TRPM3: variants seen among roughly 807,000 people sequenced by gnomAD.
TRPM3 encodes long transient receptor potential channel 3.
TRPM3 carries 77 observed loss-of-function variants against 181.2 expected under a neutral mutation model. The observed-to-expected ratio is 0.42, with a 90% CI of 0.35 to 0.51. The LOEUF (loss-of-function observed/expected upper bound fraction) is 0.51. Ranked by LOEUF, TRPM3 falls within the 20% of genes least tolerant of loss-of-function variation. TRPM3 has a pLI of 0.01. For missense variants in TRPM3, 1,759 were observed against 2,196.7 expected (o/e 0.80, Z 3.98); for synonymous variants, 745 against 796.4 (o/e 0.94, Z 1.09).
intron 1 of TRPM3, among the ~76,000 whole-genome samples, chr9:71,359,357 C>T (rs1365287476): frequency 6.6e-6 from 1 of 152,224 alleles, no homozygotes. Flanking sequence ...CCAAGTATGG[C>T]TGCATCCATG....
intron 1 of TRPM3, among the ~76,000 whole-genome samples, chr9:71,283,909 G>A (rs1380487706): frequency 6.6e-6 from 1 of 152,172 alleles, no homozygotes; most frequent in Non-Finnish European, 1.5e-5. Flanking sequence ...TTGTGTCTAT[G>A]TTCCTCCTTT....
At chr9:71,123,934 G>T (rs2073879565), upstream of TRPM3, among the ~76,000 whole-genome samples, 1 of 152,142 alleles carries the variant, frequency 6.6e-6, no homozygotes, top group Admixed American at 6.5e-5. Flanking sequence ...GCATCATTCT[G>T]AAAACACATG....
At chr9:70,888,124 T>G (rs746390526) in intron 1 of TRPM3, among the ~76,000 whole-genome samples, 2 of 152,138 alleles carry the variant, frequency 1.3e-5, no homozygotes, top group Non-Finnish European at 2.9e-5. Flanking sequence ...TGTAGCATGC[T>G]CCATAGAACC....
chr9:70,996,119 T>C (rs1200024083), intron 1 of TRPM3, among the ~76,000 whole-genome samples: 1 of 152,210 alleles, frequency 6.6e-6, no homozygotes, highest in African/African-American at 2.4e-5. Flanking sequence ...GTTGAAATAA[T>C]AAAAGGTCTT....
chr9:70,974,949 C>A (rs936758040), intron 1 of TRPM3, among the ~76,000 whole-genome samples: 2 of 143,904 alleles, frequency 1.4e-5, no homozygotes, highest in Admixed American at 7.4e-5. Flanking sequence ...CTCACTGCAA[C>A]CTCCAACTCC....
chr9:71,297,289 A>G (rs576388167), intron 1 of TRPM3, among the ~76,000 whole-genome samples: 9 of 152,246 alleles, frequency 5.9e-5, no homozygotes, highest in African/African-American at 1.7e-4. Context: ...AGAACTCACG[A>G]TATGCTGGGC....
At position 70,914,488 on chromosome 9, in the gene TRPM3, G is replaced by A. The variant is rs149186709; in HGVS notation, c.178-49977C>T. ...TGAGAGATCATATGATGTGCCAAAA[G>A]AAAATCCCTGCAGTGATGGACGCTG... On this transcript the variant is annotated intron_variant, in intron 1 of 25. Coordinates refer to ENST00000677713, the MANE Select transcript of TRPM3 (RefSeq NM_001366145.2). 1.1e-3 allele frequency among the ~76,000 whole-genome samples: 160 copies of A among 152,350 alleles called. 1 individual carries two copies. The highest frequency in any genetic ancestry group is 3.0e-3 in the African/African-American group (126 of 41,588).
At chr9:70,678,066 G>A (rs1432838822) in intron 9 of TRPM3, among the ~76,000 whole-genome samples, 3 of 152,018 alleles carry the variant, frequency 2.0e-5, no homozygotes, top group Non-Finnish European at 4.4e-5. Context: ...ATCCTGGTGT[G>A]TGTGGCAGGG....
chr9:70,591,539 T>C (rs2058108449), intron 21 of TRPM3, among the ~76,000 whole-genome samples: 1 of 152,162 alleles, frequency 6.6e-6, no homozygotes, highest in African/African-American at 2.4e-5. Flanking sequence ...GGCCTCTGTG[T>C]GAATCAGGTG....
intron 1 of TRPM3, among the ~76,000 whole-genome samples, chr9:71,147,749 C>A (rs2134598502): frequency 6.6e-6 from 1 of 152,246 alleles, no homozygotes; most frequent in South Asian, 2.1e-4. Context: ...CCTGCTGATT[C>A]AAGTTCTCAG....
chr9:71,106,372 T>C (rs1289268398), intron 1 of TRPM3, among the ~76,000 whole-genome samples: 1 of 152,090 alleles, frequency 6.6e-6, no homozygotes, highest in African/African-American at 2.4e-5. Flanking sequence ...CTTGGTGCCC[T>C]CCCCATGGTA....
At chr9:70,784,847 G>T (rs117782897) in intron 6 of TRPM3, among the ~76,000 whole-genome samples, 3,345 of 152,192 alleles carry the variant, frequency 0.022, 47 homozygotes, top group Non-Finnish European at 0.034. Context: ...TTTGACCATA[G>T]ATGATCAGAC....
intron 1 of TRPM3, among the ~76,000 whole-genome samples, chr9:71,196,722 T>C (rs1175984376): frequency 6.6e-6 from 1 of 152,000 alleles, no homozygotes; most frequent in Non-Finnish European, 1.5e-5. Flanking sequence ...CTTTAAATGT[T>C]ATTTAGCAGT....
chr9:71,353,758 T>C (rs2091771041), intron 1 of TRPM3, among the ~76,000 whole-genome samples: 1 of 152,210 alleles, frequency 6.6e-6, no homozygotes, highest in African/African-American at 2.4e-5. Context: ...GGCAGTTTTA[T>C]AAAATAAAGC....
chr9:71,294,782 C>T (rs186377188), intron 1 of TRPM3, among the ~76,000 whole-genome samples: 8 of 152,192 alleles, frequency 5.3e-5, no homozygotes, highest in African/African-American at 1.9e-4. Context: ...CTCACACAAT[C>T]GAATTCTGTA....
chr9:70,554,535 C>A (rs894324643), intron 22 of TRPM3, among the ~76,000 whole-genome samples: 7 of 152,122 alleles, frequency 4.6e-5, no homozygotes, highest in Admixed American at 4.6e-4. Context: ...CCCTGGCTGC[C>A]CTGGGGATCA....
chr9:71,097,159 C>T (rs1371283259), intron 1 of TRPM3, among the ~76,000 whole-genome samples: 1 of 151,800 alleles, frequency 6.6e-6, no homozygotes, highest in Non-Finnish European at 1.5e-5. Context: ...TATAAAAATG[C>T]TCTATGCTTA....
At chr9:71,008,337 A>G (rs955219767) in intron 1 of TRPM3, among the ~76,000 whole-genome samples, 1 of 152,058 alleles carries the variant, frequency 6.6e-6, no homozygotes, top group Admixed American at 6.5e-5. Context: ...CCAAACATTT[A>G]AAGAAGAACT....
chr9:70,949,257 T>G (rs1051276740), intron 1 of TRPM3, among the ~76,000 whole-genome samples: 1 of 152,100 alleles, frequency 6.6e-6, no homozygotes, highest in Non-Finnish European at 1.5e-5. Context: ...GAGGTCTCAC[T>G]ATGTTGCCCA....
Sources: allele counts gnomAD v4.1 joint callset (sites outside exome capture counted in the v4.1 genomes callset), GRCh38; gene constraint gnomAD v4.1.1; transcripts MANE v1.5; gene names NCBI Gene and HGNC (gene_info 2026-07-23, HGNC 2026-07-21).